The following PTK2B variants were observed in gnomAD, a reference collection of about 807,000 sequenced individuals.
PTK2B encodes protein tyrosine kinase 2 beta, also known as protein-tyrosine kinase 2-beta.
In PTK2B, 71 loss-of-function variants were observed where a neutral mutation model predicts 142.9. The ratio of observed to expected loss-of-function variants is 0.50; its 90% CI spans 0.41 to 0.61. The LOEUF (loss-of-function observed/expected upper bound fraction) is 0.61. PTK2B is among the 20% of genes least tolerant of loss of function. PTK2B has a pLI of 0.00. For missense variants in PTK2B, 1,105 were observed against 1,320.4 expected, an observed-to-expected ratio of 0.84 and a Z score of 2.53; for synonymous variants, 519 against 503.4, an observed-to-expected ratio of 1.03 and a Z score of -0.42.
chr8:27,430,469 A>G (rs1563279709), intron 7 of PTK2B, 51 bp downstream of exon 7: 1 of 1,603,392 alleles, frequency 6.2e-7, no homozygotes, highest in Non-Finnish European at 8.5e-7. Flanking sequence ...CCGAGACTAG[A>G]GTGTAAGGGA....
intron 1 of PTK2B, among the ~76,000 whole-genome samples, chr8:27,349,739 G>A (rs935303945): frequency 3.3e-5 from 5 of 152,102 alleles, no homozygotes; most frequent in Admixed American, 1.3e-4. Flanking sequence ...TAATTTTCTC[G>A]GACAAACCTG....
At chr8:27,320,979 G>GCTTTTTTTTTTT (rs1563455453), upstream of PTK2B, among the ~76,000 whole-genome samples, 1 of 32,658 alleles carries the variant, frequency 3.1e-5, no homozygotes, top group East Asian at 5.1e-4. Context: ...CATACAAAAG[G>GCTTTTTTTTTTT]CTTTTTTTTT....
chr8:27,454,329 C>G (rs771043487), intron 29 of PTK2B, 38 bp downstream of exon 29: 1 of 1,599,030 alleles, frequency 6.3e-7, no homozygotes, highest in Non-Finnish European at 8.5e-7. Flanking sequence ...GGAGGCGGCT[C>G]AAGTCCGCCC....
chr8:27,414,249 T>G (rs1034503416), intron 2 of PTK2B, among the ~76,000 whole-genome samples: 2 of 52,794 alleles, frequency 3.8e-5, no homozygotes, highest in African/African-American at 1.8e-4. Flanking sequence ...TGTCACTGCT[T>G]CTTCTTTTTT....
intron 1 of PTK2B, among the ~76,000 whole-genome samples, chr8:27,342,150 C>A (rs1350340070): frequency 6.6e-6 from 1 of 152,200 alleles, no homozygotes; most frequent in Non-Finnish European, 1.5e-5. Context: ...CCCTCAAGCA[C>A]CTTTGCAATT....
In PTK2B at chr8:27,453,037, A is replaced by G. The variant is rs946529619; in HGVS notation, c.2549-77A>G. On this transcript the variant is annotated intron_variant, in intron 27 of 30. Transcript: ENST00000346049. Reference sequence around the variant, plus strand: ...CCTGGTGGTAGAGGGGAAGGGGCTCATTTGATGTCAGCAGGTACGAAGGGA... The same window carrying G: ...CCTGGTGGTAGAGGGGAAGGGGCTCGTTTGATGTCAGCAGGTACGAAGGGA... 4.5e-6 allele frequency: 7 copies of G among 1,545,964 alleles called. No individual in the cohort carries two copies. The Admixed American group carries it at 8.4e-5, about 19-fold the overall frequency.
intron 1 of PTK2B, among the ~76,000 whole-genome samples, chr8:27,361,208 TTTTTTGTTTCC>T (rs1387743421): frequency 1.3e-5 from 2 of 152,200 alleles, no homozygotes; most frequent in African/African-American, 4.8e-5. Context: ...TTTTTATTTC[TTTTTTGTTTCC>T]TTTTTGTTTG....
At chr8:27,402,887 T>C (rs75847654) in intron 2 of PTK2B, among the ~76,000 whole-genome samples, 1 of 152,204 alleles carries the variant, frequency 6.6e-6, no homozygotes, top group Non-Finnish European at 1.5e-5. Context: ...CCAAAGTATT[T>C]TCCATTGTGT....
At chr8:27,310,633 G>A (rs1183494573), upstream of PTK2B, among the ~76,000 whole-genome samples, 1 of 152,244 alleles carries the variant, frequency 6.6e-6, no homozygotes, top group Non-Finnish European at 1.5e-5. Context: ...CGACCTTGAA[G>A]AAGCAGCCAG....
chr8:27,456,336 C>T (rs981737130), intron 30 of PTK2B, among the ~76,000 whole-genome samples: 2 of 152,168 alleles, frequency 1.3e-5, no homozygotes, highest in Admixed American at 1.3e-4. Flanking sequence ...TGGTAATTCT[C>T]ACAATATTTC....
chr8:27,311,225 C>T (rs1586062917), upstream of PTK2B: 1 of 1,555,558 alleles, frequency 6.4e-7, no homozygotes, highest in Non-Finnish European at 8.7e-7. Context: ...CACGTCGGGA[C>T]TCCGCTCCAT....
chr8:27,343,084 C>G (rs1255169027), intron 1 of PTK2B, among the ~76,000 whole-genome samples: 1 of 152,156 alleles, frequency 6.6e-6, no homozygotes, highest in African/African-American at 2.4e-5. Flanking sequence ...TGATCTGTAT[C>G]GCTCAGGGAT....
chr8:27,326,613 C>T (rs1220288976), intron 1 of PTK2B, among the ~76,000 whole-genome samples: 2 of 152,156 alleles, frequency 1.3e-5, no homozygotes, highest in Non-Finnish European at 2.9e-5. Flanking sequence ...GGGCAGTGCA[C>T]GTGGTGTGAT....
Position 27,430,986 on chromosome 8 carries a change from C to T in PTK2B, c.780C>T (p.Ile260=), listed in dbSNP as rs1419916843. 5 of 1,614,100 alleles carry T rather than the reference C, an allele frequency of 3.1e-6. No homozygotes were observed. The highest frequency in any genetic ancestry group is 2.2e-5 in the South Asian group (2 of 91,070). The change falls in exon 8 of 31, where the codon ATC becomes ATT. Residue 260 remains isoleucine, a synonymous_variant. Coordinates refer to ENST00000346049, the MANE Select transcript of PTK2B (RefSeq NM_173176.3). ...ACACTCTCGCCGGCTTCGCCAACAT[C>T]GACCAGGAGACCTACCGCTGTGAAC... ...FFNTLAGFAN[I]DQETYRCELI... is the part of the protein sequence containing the mutation.
At chr8:27,346,194 A>G (rs1804700051) in intron 1 of PTK2B, among the ~76,000 whole-genome samples, 1 of 152,200 alleles carries the variant, frequency 6.6e-6, no homozygotes, top group African/African-American at 2.4e-5. Context: ...GGAAGAGCTC[A>G]TAAAAGAGGT....
chr8:27,314,886 G>C (rs1251676738), intron 3 of PTK2B, among the ~76,000 whole-genome samples: 3 of 152,202 alleles, frequency 2.0e-5, no homozygotes, highest in Non-Finnish European at 2.9e-5. Context: ...AGTGAGTCGA[G>C]ATTGTGCCAG....
At chr8:27,391,785 C>A (rs1176494943) in intron 1 of PTK2B, among the ~76,000 whole-genome samples, 2 of 152,206 alleles carry the variant, frequency 1.3e-5, no homozygotes, top group Non-Finnish European at 2.9e-5. Context: ...AGATTTTGGC[C>A]AAGAAGTTCT....
chr8:27,365,378 G>A (rs982933255), intron 1 of PTK2B, among the ~76,000 whole-genome samples: 5 of 152,192 alleles, frequency 3.3e-5, no homozygotes, highest in African/African-American at 1.2e-4. Flanking sequence ...CCTAGCCCGA[G>A]GGAAGGCAGG....
intron 1 of PTK2B, among the ~76,000 whole-genome samples, chr8:27,342,411 C>G: frequency 1.3e-5 from 2 of 152,192 alleles, no homozygotes; most frequent in Middle Eastern, 6.8e-3. Context: ...CTCAGCCTCC[C>G]GAGAAGCCAC....
Sources: gnomAD v4.1 joint callset for allele counts (sites outside exome capture counted in the v4.1 genomes callset) on GRCh38, gnomAD v4.1.1 for gene constraint, MANE v1.5 for transcripts, NCBI Gene and HGNC (gene_info 2026-07-23, HGNC 2026-07-21) for gene names.